DSCAM: variants seen among roughly 807,000 people sequenced by gnomAD.
DSCAM encodes DS cell adhesion molecule.
DSCAM carries 47 observed loss-of-function variants against 217.7 expected under a neutral mutation model. The observed-to-expected ratio is 0.22, with a 90% CI of 0.17 to 0.28. The LOEUF (loss-of-function observed/expected upper bound fraction) is 0.28, where lower values mean the gene tolerates loss of function less well. Among genes scored for constraint, DSCAM ranks in the 10% least tolerant of loss-of-function variants. The pLI is 1.00. For synonymous variants in DSCAM, 1,056 were observed against 1,015.3 expected, an observed-to-expected ratio of 1.04 and a Z score of -0.76; for missense variants, 2,080 against 2,618.3, an observed-to-expected ratio of 0.79 and a Z score of 4.49.
At chr21:40,481,496 C>T (rs529606389) in intron 3 of DSCAM, among the ~76,000 whole-genome samples, 1 of 135,730 alleles carries the variant, frequency 7.4e-6, no homozygotes, top group Non-Finnish European at 1.5e-5. Context: ...TGCACTCCAG[C>T]CTGGGCAACA....
chr21:40,556,611 G>C (rs2076673639), intron 3 of DSCAM, among the ~76,000 whole-genome samples: 1 of 152,152 alleles, frequency 6.6e-6, no homozygotes, highest in African/African-American at 2.4e-5. Flanking sequence ...GGAAGGCAAA[G>C]GGGAACCAAC....
At chr21:40,397,433 G>A (rs1000448974) in intron 3 of DSCAM, among the ~76,000 whole-genome samples, 13 of 152,022 alleles carry the variant, frequency 8.6e-5, no homozygotes, top group African/African-American at 3.1e-4. Flanking sequence ...TGACATGCCT[G>A]TTCCCCCTTT....
At position 40,735,036 on chromosome 21, in the gene DSCAM, T is replaced by TA. The variant is rs397966068; in HGVS notation, c.44-26266dup. Among the ~76,000 whole-genome samples, 1,495 of 152,328 alleles carry TA rather than the reference T, an allele frequency of 9.8e-3. 24 individuals are homozygous for TA. Among genetic ancestry groups the TA allele is most frequent in the African/African-American group, 0.034 (1,434 of 41,582 alleles). ...GGTCAACTATTCACAAATGAATTTT[T>TA]AAAAAATTGCTAAAGCATTGAGAGA... On this transcript the variant is annotated intron_variant, in intron 1 of 32. Coordinates refer to ENST00000400454, the MANE Select transcript of DSCAM (RefSeq NM_001389.5).
At chr21:40,418,313 G>A (rs545403570) in intron 3 of DSCAM, among the ~76,000 whole-genome samples, 10 of 152,150 alleles carry the variant, frequency 6.6e-5, no homozygotes, top group African/African-American at 2.4e-4. Flanking sequence ...ACTTTGACAT[G>A]GTATCTGAGC....
At chr21:40,345,785 C>T (rs887200551) in intron 6 of DSCAM, among the ~76,000 whole-genome samples, 8 of 152,102 alleles carry the variant, frequency 5.3e-5, no homozygotes, top group Admixed American at 3.3e-4. Flanking sequence ...TCCATTTCTG[C>T]TTTCTTTGCT....
chr21:40,142,604 A>G lies in DSCAM; in HGVS notation c.3360T>C (p.Ile1120=). ...AGTAAATGACTCTGAACCCCTGGAG[A>G]ATTCCATTCAAGGCTTCCTTGGAAA... is the stretch of plus-strand genomic sequence containing the variant. ...STLSKEALNG[I]LQGFRVIYWA... Residue 1120 remains isoleucine (I), a synonymous_variant, in exon 18 of 33, where the codon ATT becomes ATC. Coordinates refer to ENST00000400454, the MANE Select transcript of DSCAM (RefSeq NM_001389.5). 6.2e-7 allele frequency: 1 copy of G among 1,614,100 alleles called. No homozygotes were observed. Among genetic ancestry groups the G allele is most frequent in the Non-Finnish European group, 8.5e-7 (1 of 1,180,024 alleles).
chr21:40,576,320 C>T lies in DSCAM; in HGVS notation c.508+116490G>A, dbSNP rs190398799. 1.1e-3 allele frequency among the ~76,000 whole-genome samples: 173 copies of T among 152,326 alleles called. 1 individual carries two copies. In the Middle Eastern group the frequency reaches 0.014, roughly 12 times the overall value. ...AGAAGAAATCAGATACCTAAGAATA[C>T]ATACCACTTGCTTCTATTTACATAA... On this transcript the variant is annotated intron_variant, in intron 3 of 32. Transcript: ENST00000400454.
At chr21:40,298,524 A>G (rs1472834756) in intron 9 of DSCAM, among the ~76,000 whole-genome samples, 1 of 152,200 alleles carries the variant, frequency 6.6e-6, no homozygotes, top group East Asian at 1.9e-4. Context: ...TATTTAAGAA[A>G]ATGAAAATAT....
intron 11 of DSCAM, among the ~76,000 whole-genome samples, chr21:40,268,925 GTGC>G (rs1161169285): frequency 6.6e-6 from 1 of 152,140 alleles, no homozygotes; most frequent in East Asian, 1.9e-4. Flanking sequence ...CCAGGTCCGA[GTGC>G]TGCCATCCAC....
intron 3 of DSCAM, among the ~76,000 whole-genome samples, chr21:40,457,681 C>T (rs563529183): frequency 1.3e-5 from 2 of 151,826 alleles, no homozygotes; most frequent in African/African-American, 4.8e-5. Context: ...GGGGAAAATG[C>T]AAAATAAAGA....
intron 3 of DSCAM, among the ~76,000 whole-genome samples, chr21:40,650,932 G>A (rs1465307978): frequency 6.6e-6 from 1 of 152,110 alleles, no homozygotes; most frequent in Non-Finnish European, 1.5e-5. Flanking sequence ...AAAGAAGAGG[G>A]GAAAGGTGGA....
At chr21:40,442,110 A>G (rs2075635806) in intron 3 of DSCAM, among the ~76,000 whole-genome samples, 1 of 152,210 alleles carries the variant, frequency 6.6e-6, no homozygotes, top group Non-Finnish European at 1.5e-5. Flanking sequence ...ATATTTGCTG[A>G]AAGAATGAGT....
intron 15 of DSCAM, among the ~76,000 whole-genome samples, chr21:40,175,605 C>T (rs949060941): frequency 1.3e-5 from 2 of 151,990 alleles, no homozygotes; most frequent in Non-Finnish European, 2.9e-5. Flanking sequence ...CATACTGATG[C>T]TATTAATGAT....
At chr21:40,660,170 T>C (rs528013103) in intron 3 of DSCAM, among the ~76,000 whole-genome samples, 2 of 152,324 alleles carry the variant, frequency 1.3e-5, no homozygotes, top group Admixed American at 1.3e-4. Context: ...ACACAGTTAA[T>C]GAGCAGCAGA....
intron 3 of DSCAM, among the ~76,000 whole-genome samples, chr21:40,450,163 T>C (rs1445530554): frequency 1.3e-5 from 2 of 152,140 alleles, no homozygotes; most frequent in African/African-American, 4.8e-5. Context: ...AAAATTTTCT[T>C]CACACCATGG....
intron 32 of DSCAM, among the ~76,000 whole-genome samples, chr21:40,021,179 C>T (rs2146421555): frequency 7.6e-6 from 1 of 132,216 alleles, no homozygotes; most frequent in South Asian, 2.4e-4. Flanking sequence ...GCACTCTAAC[C>T]TGGGCGATAG....
intron 2 of DSCAM, among the ~76,000 whole-genome samples, chr21:40,705,410 GT>G (rs75764489): frequency 1.3e-5 from 2 of 151,606 alleles, no homozygotes; most frequent in Middle Eastern, 3.2e-3. Flanking sequence ...ATTTTTCGTT[GT>G]TTTTTTTCAG....
At chr21:40,409,102 T>C (rs2075301816) in intron 3 of DSCAM, among the ~76,000 whole-genome samples, 1 of 152,182 alleles carries the variant, frequency 6.6e-6, no homozygotes, top group Non-Finnish European at 1.5e-5. Flanking sequence ...TAAGGGTGTA[T>C]TTTCAAAACT....
intron 2 of DSCAM, among the ~76,000 whole-genome samples, chr21:40,703,443 A>G (rs796509699): frequency 1.4e-4 from 22 of 152,202 alleles, no homozygotes; most frequent in African/African-American, 5.3e-4. Context: ...CACTTGAGCC[A>G]GGGAAGCTGA....
Sources: allele counts gnomAD v4.1 joint callset (sites outside exome capture counted in the v4.1 genomes callset), GRCh38; gene constraint gnomAD v4.1.1; transcripts MANE v1.5; gene names NCBI Gene and HGNC (gene_info 2026-07-23, HGNC 2026-07-21).